The following NCS1 variants were observed in gnomAD, a reference collection of about 807,000 sequenced individuals.
NCS1 encodes frequenin homolog.
Under a neutral mutation model 28.4 loss-of-function variants are expected in NCS1, and 6 were observed. The observed-to-expected ratio is 0.21, with a 90% CI of 0.12 to 0.42. NCS1 has a LOEUF of 0.42. Ranked by LOEUF, NCS1 falls within the 10% of genes least tolerant of loss-of-function variation. The pLI is 1.00. For missense variants in NCS1, 131 were observed against 241.4 expected (o/e 0.54, Z 3.03); for synonymous variants, 86 against 99.3 (o/e 0.87, Z 0.79).
chr9:130,228,609 T>C (rs889212697), intron 7 of NCS1, among the ~76,000 whole-genome samples: 4 of 152,124 alleles, frequency 2.6e-5, no homozygotes, highest in Non-Finnish European at 5.9e-5. Flanking sequence ...TTATGTATCA[T>C]AAAATTTGAT....
chr9:130,186,889 C>T lies in NCS1; in HGVS notation c.65-14069C>T, dbSNP rs1554905683. On this transcript the variant is annotated intron_variant, in intron 1 of 7. Coordinates refer to ENST00000372398, the MANE Select transcript of NCS1 (RefSeq NM_014286.4). The surrounding 1 kb of genome is among the most constrained non-coding windows in gnomAD (Gnocchi z 4.1). ...GTGCTGTGCTCAGCCTGGCTCCAAG[C>T]ACGAGGGGCACTGACGAGCGATTGA... Among the ~76,000 whole-genome samples the T allele has an allele frequency of 1.3e-5, 2 of 152,206 alleles. No homozygotes were observed. The highest frequency in any genetic ancestry group is 4.8e-5 in the African/African-American group (2 of 41,446).
rs1206433286 is a variant in NCS1 at position 130,236,934 on chromosome 9, GTCA to G, written c.*3969_*3971del. 1 of 152,250 alleles carries G rather than the reference GTCA, an allele frequency of 6.6e-6. No homozygotes were observed. The highest frequency in any genetic ancestry group is 1.5e-5 in the Non-Finnish European group (1 of 68,084). The allele number at this position is 152,250 out of a possible 1,614,324, so 9.4% of individuals were successfully genotyped here. On this transcript the variant is annotated 3_prime_UTR_variant, in exon 8 of 8. Transcript: ENST00000372398. ...GGCCTGGTGAGACCCAAATGTGAGTGTCATCATCAAAGCCCCTCACAGAAGTGG... is the reference window on the plus strand; with the variant it reads ...GGCCTGGTGAGACCCAAATGTGAGTGTCATCAAAGCCCCTCACAGAAGTGG...
At position 130,220,644 on chromosome 9, in the gene NCS1, A is replaced by C. The variant is rs1554910121; in HGVS notation, c.307+841A>C. Among the ~76,000 whole-genome samples, 6 of 151,882 alleles carry C rather than the reference A, an allele frequency of 4.0e-5. No homozygotes were observed. In the South Asian group the frequency reaches 1.0e-3, roughly 26 times the overall value. On this transcript the variant is annotated intron_variant, in intron 4 of 7. Transcript: ENST00000372398. ...GAGGAATGCAGGGTGCGTGGAGGGGAGGGAAGATGGAAACCAGCTGGCCAG... is the reference window on the plus strand; with the variant it reads ...GAGGAATGCAGGGTGCGTGGAGGGGCGGGAAGATGGAAACCAGCTGGCCAG...
At chr9:130,193,608 C>T (rs1231588548) in intron 1 of NCS1, among the ~76,000 whole-genome samples, 2 of 149,382 alleles carry the variant, frequency 1.3e-5, no homozygotes, top group African/African-American at 2.5e-5. Context: ...TCTGGGCCAT[C>T]GGTGAGGAGC....
chr9:130,219,575 C>A lies in NCS1; in HGVS notation c.229-150C>A. 1 of 709,024 alleles carries A rather than the reference C, an allele frequency of 1.4e-6. No homozygotes were observed. The highest frequency in any genetic ancestry group is 1.6e-5 in the South Asian group (1 of 61,258). 43.9% of individuals were successfully genotyped at this position (709,024 alleles called of 1,614,324 possible). Reference sequence around the variant, plus strand: ...CCCCACCCTCTCCTTGCCTCTCGCCCCCCATTCCTTCGAGCCTGCCCTCTC... The same window carrying A: ...CCCCACCCTCTCCTTGCCTCTCGCCACCCATTCCTTCGAGCCTGCCCTCTC... On this transcript the variant is annotated intron_variant, in intron 3 of 7. Transcript: ENST00000372398. This position sits in a 1 kb window ranked among gnomAD's most constrained non-coding sequence, Gnocchi z 5.7.
In NCS1 at chr9:130,177,161, G is replaced by A. The variant is rs941470176; in HGVS notation, c.64+4434G>A. ...TGGAGGGCAGGAGCCCACGGCTGAC[G>A]CCTCTGTGACCCCGAGCAGAGGACG... On this transcript the variant is annotated intron_variant, in intron 1 of 7. Transcript: ENST00000372398. The surrounding 1 kb of genome is among the most constrained non-coding windows in gnomAD (Gnocchi z 4.4). 2.0e-5 allele frequency among the ~76,000 whole-genome samples: 3 copies of A among 152,234 alleles called. No homozygotes were observed. The highest frequency in any genetic ancestry group is 2.0e-4 in the Admixed American group (3 of 15,282).
In NCS1 at chr9:130,180,414, A is replaced by T. The variant is rs1832638011; in HGVS notation, c.64+7687A>T. Among the ~76,000 whole-genome samples, 3 of 152,210 alleles carry T rather than the reference A, an allele frequency of 2.0e-5. No individual in the cohort carries two copies. The highest frequency in any genetic ancestry group is 4.4e-5 in the Non-Finnish European group (3 of 68,042). ...GATATCTCTAGCACTCTGGTAAGAA[A>T]AAAAGCCAATATAAATTAAAAAGCA... On this transcript the variant is annotated intron_variant, in intron 1 of 7. Transcript: ENST00000372398. This position sits in a 1 kb window ranked among gnomAD's most constrained non-coding sequence, Gnocchi z 4.5.
rs189809838 is a variant in NCS1, at chr9:130,197,596, C to G, written c.65-3362C>G. On this transcript the variant is annotated intron_variant, in intron 1 of 7. Transcript: ENST00000372398. ...AAGGACAGCCTGACCCGTGCCAGAG[C>G]TCCCTGGCTGGCGGGAGGGCTGGGG... is the stretch of plus-strand genomic sequence containing the variant. Among the ~76,000 whole-genome samples, 577 of 152,292 alleles carry G rather than the reference C, an allele frequency of 3.8e-3. 7 individuals carry two copies. The highest frequency in any genetic ancestry group is 5.3e-3 in the Non-Finnish European group (360 of 68,026).
rs1833517226 is a variant in NCS1 at position 130,232,932 on chromosome 9, T to G, written c.*18-58T>G. On this transcript the variant is annotated intron_variant, in intron 7 of 7. Coordinates refer to ENST00000372398, the MANE Select transcript of NCS1 (RefSeq NM_014286.4). The surrounding 1 kb of genome is among the most constrained non-coding windows in gnomAD (Gnocchi z 4.4). ...TGTGCCTATCCTCCGTGGCCAGACC[T>G]TAACCCCTATCCGCTGTGGCTGGAT... 1 of 152,776 alleles carries G rather than the reference T, an allele frequency of 6.5e-6. No homozygotes were observed. The highest frequency in any genetic ancestry group is 1.5e-5 in the Non-Finnish European group (1 of 68,108). 9.5% of individuals were successfully genotyped at this position (152,776 alleles called of 1,614,324 possible).
At chr9:130,178,337 C>T (rs954957359) in intron 1 of NCS1, among the ~76,000 whole-genome samples, 3 of 152,248 alleles carry the variant, frequency 2.0e-5, no homozygotes, top group South Asian at 2.1e-4. Context: ...CTCACAGGCT[C>T]TTTTTGCCCT....
chr9:130,232,929 A>G lies in NCS1; in HGVS notation c.*18-61A>G, dbSNP rs938359617. Reference sequence around the variant, plus strand: ...CTCTGTGCCTATCCTCCGTGGCCAGACCTTAACCCCTATCCGCTGTGGCTG... The same window carrying G: ...CTCTGTGCCTATCCTCCGTGGCCAGGCCTTAACCCCTATCCGCTGTGGCTG... On this transcript the variant is annotated intron_variant, in intron 7 of 7. Transcript: ENST00000372398. The surrounding 1 kb of genome is among the most constrained non-coding windows in gnomAD (Gnocchi z 4.4). The G allele has an allele frequency of 1.3e-5, 2 of 152,600 alleles. No homozygotes were observed. Among genetic ancestry groups the G allele is most frequent in the African/African-American group, 4.8e-5 (2 of 41,394 alleles). The allele number at this position is 152,600 out of a possible 1,614,324, so 9.5% of individuals were successfully genotyped here.
intron 1 of NCS1, among the ~76,000 whole-genome samples, chr9:130,187,263 C>G (rs1554905738): frequency 2.0e-5 from 3 of 152,166 alleles, no homozygotes; most frequent in African/African-American, 7.2e-5. Flanking sequence ...GCTGATGTGT[C>G]CGAGTCTGTG....
chr9:130,219,674 C>A lies in NCS1; in HGVS notation c.229-51C>A, dbSNP rs1554909935. On this transcript the variant is annotated intron_variant, in intron 3 of 7. Coordinates refer to ENST00000372398, the MANE Select transcript of NCS1 (RefSeq NM_014286.4). The surrounding 1 kb of genome is among the most constrained non-coding windows in gnomAD (Gnocchi z 5.7). ...CGCCCGTCCCGAGGTTCAGCCTGACCCGGTGGCCTGGCCGGCACTGACTGA... is the reference window on the plus strand; with the variant it reads ...CGCCCGTCCCGAGGTTCAGCCTGACACGGTGGCCTGGCCGGCACTGACTGA... 6.3e-7 allele frequency: 1 copy of A among 1,579,862 alleles called. No homozygotes were observed.
intron 1 of NCS1, among the ~76,000 whole-genome samples, chr9:130,183,525 T>C (rs1832693742): frequency 6.6e-6 from 1 of 152,004 alleles, no homozygotes; most frequent in African/African-American, 2.4e-5. Flanking sequence ...CAGGCTTGAG[T>C]TTTCAGCAGG....
intron 1 of NCS1, among the ~76,000 whole-genome samples, chr9:130,182,652 A>C (rs948432182): frequency 7.2e-5 from 11 of 152,102 alleles, no homozygotes; most frequent in Non-Finnish European, 1.3e-4. Flanking sequence ...CACCCACCCC[A>C]GTGGAGGCTC....
chr9:130,220,869 G>A (rs1432621866), intron 4 of NCS1, among the ~76,000 whole-genome samples: 3 of 151,338 alleles, frequency 2.0e-5, no homozygotes, highest in African/African-American at 7.3e-5. Context: ...AATTGTGGGA[G>A]CAGAGTGGAC....
chr9:130,220,553 G>A (rs2131153104), intron 4 of NCS1, among the ~76,000 whole-genome samples: 1 of 152,158 alleles, frequency 6.6e-6, no homozygotes, highest in South Asian at 2.1e-4. Flanking sequence ...GCGTGTGCGA[G>A]GCCCAGTGGA....
rs2131117174 is a variant in NCS1 at position 130,181,106 on chromosome 9, A to C, written c.64+8379A>C. Among the ~76,000 whole-genome samples the C allele has an allele frequency of 1.3e-5, 2 of 152,234 alleles. No homozygotes were observed. Among genetic ancestry groups the C allele is most frequent in the East Asian group, 1.9e-4 (1 of 5,186 alleles). On this transcript the variant is annotated intron_variant, in intron 1 of 7. Transcript: ENST00000372398. The surrounding 1 kb of genome is among the most constrained non-coding windows in gnomAD (Gnocchi z 5.0). ...AGTTTCCCTTTCTGTACCATGTTCA[A>C]ATTCCCAGATAGTGAGACCCAGTGG...
rs148366642 is a variant in NCS1, at chr9:130,203,551, G to C, written c.89+2569G>C. Among the ~76,000 whole-genome samples, 18 of 152,274 alleles carry C rather than the reference G, an allele frequency of 1.2e-4. No homozygotes were observed. The East Asian group carries it at 3.5e-3, about 29-fold the overall frequency. On this transcript the variant is annotated intron_variant, in intron 2 of 7. Transcript: ENST00000372398. The stretch of plus-strand genomic sequence containing the variant: ...GCTGGGTGGCCGGTAAGGGACAGAC[G>C]TGAGCAGCTGTCCCCCACGCCCATT...
Sources: gnomAD v4.1 joint callset for allele counts (sites outside exome capture counted in the v4.1 genomes callset) on GRCh38, gnomAD v4.1.1 for gene constraint, Gnocchi (gnomAD v3.1) non-coding constraint, MANE v1.5 for transcripts, NCBI Gene and HGNC (gene_info 2026-07-23, HGNC 2026-07-21) for gene names.